The following ARHGAP8 variants were observed in gnomAD, a reference collection of about 807,000 sequenced individuals.
ARHGAP8 encodes the protein Rho GTPase activating protein 8.
Under a neutral mutation model 46.1 loss-of-function variants are expected in ARHGAP8, and 62 were observed. That is an observed-to-expected ratio of 1.34 (90% confidence interval 1.10 to 1.66). ARHGAP8 has a LOEUF of 1.66. ARHGAP8 is among the 40% of genes most tolerant of loss of function. The pLI is 0.00. For missense variants in ARHGAP8, 923 were observed against 568.4 expected (o/e 1.62, Z -6.34); for synonymous variants, 375 against 243.1 (o/e 1.54, Z -5.05).
chr22:44,802,889 C>T (rs957977288), intron 3 of ARHGAP8, among the ~76,000 whole-genome samples: 1 of 152,204 alleles, frequency 6.6e-6, no homozygotes, highest in African/African-American at 2.4e-5. Context: ...GAACTCATTG[C>T]ACCAGCAAAG....
At position 44,754,646 on chromosome 22, in the gene ARHGAP8, T is replaced by C. The variant is rs900667666; in HGVS notation, c.-72+2019T>C. Among the ~76,000 whole-genome samples the C allele has an allele frequency of 3.3e-5, 5 of 152,122 alleles. No homozygotes were observed. In the South Asian group the frequency reaches 1.0e-3, roughly 32 times the overall value. ...GCTTGGAGTGCTGGGATTACAGGCA[T>C]GAGCCACCACACCCGGCCGAGTCAT... On this transcript the variant is annotated intron_variant, in intron 1 of 11. Coordinates refer to ENST00000356099, the MANE Select transcript of ARHGAP8 (RefSeq NM_181335.3).
At chr22:44,816,284 C>T (rs931963906) in intron 5 of ARHGAP8, among the ~76,000 whole-genome samples, 4 of 152,140 alleles carry the variant, frequency 2.6e-5, no homozygotes, top group African/African-American at 9.7e-5. Context: ...CCAGCTGGGA[C>T]CTCGGAATCC....
intron 1 of ARHGAP8, among the ~76,000 whole-genome samples, chr22:44,758,474 TCCC>T: frequency 6.6e-6 from 1 of 152,064 alleles, no homozygotes; most frequent in East Asian, 1.9e-4. Context: ...GCTCCGTGAA[TCCC>T]CACTTTAATT....
At chr22:44,763,781 G>A (rs1925327940) in intron 1 of ARHGAP8, among the ~76,000 whole-genome samples, 1 of 148,350 alleles carries the variant, frequency 6.7e-6, no homozygotes, top group African/African-American at 2.5e-5. Context: ...TTATTGGTGA[G>A]AATGATTTTC....
In ARHGAP8 at chr22:44,814,777, G is replaced by A. The variant is rs1310511670; in HGVS notation, c.386+19G>A. 1 of 1,613,124 alleles carries A rather than the reference G, an allele frequency of 6.2e-7. No homozygotes were observed. Among genetic ancestry groups the A allele is most frequent in the Non-Finnish European group, 8.5e-7 (1 of 1,179,626 alleles). ...TCATCAGGTATGCGTCACTCTGGGA[G>A]AGGACCTCGCTGGGGTTGGAGGTTT... On this transcript the variant is annotated intron_variant, in intron 5 of 11. Transcript: ENST00000356099.
At chr22:44,844,998 GAAGTTGCCCCCTGGGGAAGCCCTCCCCA>G (rs2069917553) in intron 7 of ARHGAP8, among the ~76,000 whole-genome samples, 1 of 152,136 alleles carries the variant, frequency 6.6e-6, no homozygotes, top group African/African-American at 2.4e-5. Flanking sequence ...ACCCAGCTCT[GAAGTTGCCCCCTGGGGAAGCCCTCCCCA>G]AACCCCATGT....
intron 10 of ARHGAP8, among the ~76,000 whole-genome samples, chr22:44,858,369 GTTT>G (rs67748773): frequency 1.2e-4 from 17 of 142,036 alleles, no homozygotes; most frequent in African/African-American, 1.6e-4. Context: ...GTTGGTGGTG[GTTT>G]TTTTTTTTTT....
intron 6 of ARHGAP8, among the ~76,000 whole-genome samples, chr22:44,824,253 C>T (rs1049068271): frequency 7.2e-5 from 11 of 152,234 alleles, no homozygotes; most frequent in African/African-American, 2.4e-4. Context: ...AATAACCCCT[C>T]TACAGTAGGC....
rs758790298 is a variant in ARHGAP8, at chr22:44,859,812, A to C, written c.959A>C (p.Tyr320Ser). The change falls in exon 11 of 12, where the codon TAC (tyrosine) becomes TCC (serine). Residue 320 changes from tyrosine (Y) to serine (S), a missense_variant. Tyr to Ser is a moderately radical substitution (Grantham distance 144). Coordinates refer to ENST00000356099, the MANE Select transcript of ARHGAP8 (RefSeq NM_181335.3). The stretch of plus-strand genomic sequence containing the variant: ...GAGCACAACTACGTCGTCCTCCGCT[A>C]CCTCATGGGCTTCCTGCATGCGGTG... The part of the protein sequence containing the change: ...LPEHNYVVLR[Y>S]LMGFLHAVSR... 3.3e-5 allele frequency: 54 copies of C among 1,613,940 alleles called. No individual in the cohort carries two copies. In the South Asian group the frequency reaches 5.4e-4, roughly 16 times the overall value.
At chr22:44,824,333 AAAC>A (rs1461722431) in intron 6 of ARHGAP8, among the ~76,000 whole-genome samples, 1 of 152,188 alleles carries the variant, frequency 6.6e-6, no homozygotes, top group Non-Finnish European at 1.5e-5. Flanking sequence ...AACTCACAAA[AAAC>A]AACCGCACGT....
chr22:44,823,651 G>A (rs545850916), intron 6 of ARHGAP8, among the ~76,000 whole-genome samples: 1 of 152,180 alleles, frequency 6.6e-6, no homozygotes, highest in African/African-American at 2.4e-5. Flanking sequence ...TGATCCGGGG[G>A]AGTCCATGGA....
At chr22:44,788,500 C>G (rs1009885706) in intron 2 of ARHGAP8, among the ~76,000 whole-genome samples, 1 of 151,994 alleles carries the variant, frequency 6.6e-6, no homozygotes, top group Non-Finnish European at 1.5e-5. Flanking sequence ...GCCTCACCCT[C>G]CCAAGTGCAA....
intron 4 of ARHGAP8, chr22:44,809,425 C>T (rs752233785): frequency 2.0e-5 from 7 of 352,274 alleles, no homozygotes; most frequent in Non-Finnish European, 3.4e-5. Flanking sequence ...AACTGCATGA[C>T]CGTTTCTTCA....
intron 3 of ARHGAP8, among the ~76,000 whole-genome samples, chr22:44,805,882 A>G (rs1431127587): frequency 6.6e-6 from 1 of 152,184 alleles, no homozygotes; most frequent in Non-Finnish European, 1.5e-5. Flanking sequence ...AAACAAGTCT[A>G]TGTCTTTGAA....
At chr22:44,765,571 G>C (rs1481744315) in intron 1 of ARHGAP8, among the ~76,000 whole-genome samples, 1 of 152,168 alleles carries the variant, frequency 6.6e-6, no homozygotes, top group Non-Finnish European at 1.5e-5. Context: ...GGTCGGGTCT[G>C]TCCCCGGCTG....
chr22:44,821,304 C>T lies in ARHGAP8; in HGVS notation c.387-1067C>T, dbSNP rs186878155. The stretch of plus-strand genomic sequence containing the variant: ...AATTAGCCAGGCGTGGTGGTGTGCA[C>T]CTTAATCCCAGCTACTTGGGAGGCT... On this transcript the variant is annotated intron_variant, in intron 5 of 11. Transcript: ENST00000356099. Among the ~76,000 whole-genome samples the T allele has an allele frequency of 1.1e-4, 16 of 152,130 alleles. No individual in the cohort carries two copies. In the East Asian group the frequency reaches 2.5e-3, roughly 24 times the overall value.
chr22:44,786,219 TAG>T (rs1034377289), intron 1 of ARHGAP8: 9 of 601,088 alleles, frequency 1.5e-5, no homozygotes, highest in Non-Finnish European at 2.0e-5. Context: ...TCGACTGATG[TAG>T]AGTGTATAAT....
chr22:44,762,601 T>C (rs1215048766), intron 1 of ARHGAP8, among the ~76,000 whole-genome samples: 1 of 148,046 alleles, frequency 6.8e-6, no homozygotes, highest in African/African-American at 2.5e-5. Context: ...TGCAGTGCAG[T>C]GGCACAGTCT....
At chr22:44,803,325 A>T (rs1403027946) in intron 3 of ARHGAP8, among the ~76,000 whole-genome samples, 3 of 152,176 alleles carry the variant, frequency 2.0e-5, no homozygotes, top group Non-Finnish European at 2.9e-5. Context: ...ACCAACAAGC[A>T]TCAGGAGCAT....
Sources: allele counts gnomAD v4.1 joint callset (sites outside exome capture counted in the v4.1 genomes callset), GRCh38; gene constraint gnomAD v4.1.1; transcripts MANE v1.5; gene names NCBI Gene and HGNC (gene_info 2026-07-23, HGNC 2026-07-21).